Variants in CEPT1 observed in about 807,000 individuals in gnomAD.
CEPT1 encodes the protein choline/ethanolaminephosphotransferase 1.
In CEPT1, 7 loss-of-function variants were observed where a neutral mutation model predicts 42.6. The observed-to-expected ratio is 0.16, with a 90% CI of 0.09 to 0.31. The LOEUF (loss-of-function observed/expected upper bound fraction) is 0.31, where lower values mean the gene tolerates loss of function less well. Ranked by LOEUF, CEPT1 falls within the 10% of genes least tolerant of loss-of-function variation. CEPT1 has a pLI of 1.00. For synonymous variants in CEPT1, 171 were observed against 171.9 expected, an observed-to-expected ratio of 0.99 and a Z score of 0.04; for missense variants, 306 against 502.1, an observed-to-expected ratio of 0.61 and a Z score of 3.73.
intron 4 of CEPT1, among the ~76,000 whole-genome samples, chr1:111,171,946 A>G (rs1300233688): frequency 6.6e-6 from 1 of 152,210 alleles, no homozygotes; most frequent in Non-Finnish European, 1.5e-5. Flanking sequence ...CATGTTGGTC[A>G]GGCTGGTCTC....
intron 3 of CEPT1, 186 bp from the exon 4 acceptor site, chr1:111,160,969 A>AAG: frequency 8.1e-6 from 5 of 615,672 alleles, no homozygotes; most frequent in South Asian, 6.4e-5. Context: ...AAAAAAAAAA[A>AAG]AGAGAGATTG....
intron 5 of CEPT1, chr1:111,179,080 T>C (rs1292086375): frequency 1.3e-5 from 2 of 152,210 alleles, no homozygotes; most frequent in African/African-American, 4.8e-5. Context: ...GTACAAAGCC[T>C]GTAAGGACAT....
chr1:111,146,558 A>G (rs1654979136), intron 1 of CEPT1, among the ~76,000 whole-genome samples: 1 of 151,880 alleles, frequency 6.6e-6, no homozygotes, highest in Admixed American at 6.6e-5. Context: ...TCATATTTTC[A>G]TTTTTACCAT....
In CEPT1 at chr1:111,183,515, TC is replaced by T. The variant is rs1177680096; in HGVS notation, c.1061del (p.Pro354ArgfsTer31). ...MHLHDTAFIG[P>X]ALLFLDQYFN... ...ATTTGCATGACACAGCATTCATAGG[TC>T]CGGCACTTTTGTTTCTGGACCAGTA... On this transcript the variant is annotated frameshift_variant, in exon 8 of 9. Transcript: ENST00000357172. LOFTEE classifies it high-confidence loss of function. 6.2e-7 allele frequency: 1 copy of T among 1,613,698 alleles called. No homozygotes were observed.
Position 111,182,254 on chromosome 1 carries a change from C to G in CEPT1, c.782C>G (p.Ser261Cys). Residue 261 changes from serine to cysteine, a missense_variant, in exon 6 of 9, where the codon TCC (serine) becomes TGC (cysteine). Ser to Cys is a moderately radical substitution (Grantham distance 112). This residue lies in a region of CEPT1 where 253 missense variants were observed against 447.3 expected (regional missense o/e 0.57). Coordinates refer to ENST00000357172, the MANE Select transcript of CEPT1 (RefSeq NM_006090.5). ...ALCTVAGTIF[S>C]CTNYFRVIFT... ...TGTACTGTAGCAGGGACCATATTTT[C>G]CTGTACAAATTACTTCCGTGTAATC... 6.2e-7 allele frequency: 1 copy of G among 1,613,062 alleles called. No homozygotes were observed. The highest frequency in any genetic ancestry group is 8.5e-7 in the Non-Finnish European group (1 of 1,179,374).
chr1:111,168,341 A>G (rs1656239502), intron 4 of CEPT1, among the ~76,000 whole-genome samples: 1 of 152,192 alleles, frequency 6.6e-6, no homozygotes, highest in African/African-American at 2.4e-5. Flanking sequence ...TGTTCAAATG[A>G]AAACCTGACA....
At chr1:111,180,639 C>A (rs1656924468) in intron 5 of CEPT1, 1 of 152,166 alleles carries the variant, frequency 6.6e-6, no homozygotes, top group African/African-American at 2.4e-5. Context: ...TAAACTTGAA[C>A]ATTTGATTTC....
intron 2 of CEPT1, among the ~76,000 whole-genome samples, chr1:111,155,513 A>G (rs771993689): frequency 6.6e-6 from 1 of 151,734 alleles, no homozygotes; most frequent in East Asian, 1.9e-4. Context: ...ATGTATATAT[A>G]CATATATATG....
chr1:111,165,320 T>C (rs1351089450), intron 4 of CEPT1, among the ~76,000 whole-genome samples: 1 of 151,864 alleles, frequency 6.6e-6, no homozygotes, highest in Non-Finnish European at 1.5e-5. Context: ...AGTGCTGGGA[T>C]TACAGGCGTG....
chr1:111,179,089 A>T (rs1278159910), intron 5 of CEPT1: 3 of 152,182 alleles, frequency 2.0e-5, no homozygotes, highest in Non-Finnish European at 4.4e-5. Context: ...CTGTAAGGAC[A>T]TTTTATCATG....
intron 1 of CEPT1, among the ~76,000 whole-genome samples, chr1:111,145,262 C>T (rs1027464087): frequency 1.3e-5 from 2 of 152,154 alleles, no homozygotes; most frequent in African/African-American, 2.4e-5. Flanking sequence ...GTGATCCGCC[C>T]GCCTCAGCCT....
At chr1:111,147,155 A>G (rs887787848) in intron 1 of CEPT1, among the ~76,000 whole-genome samples, 1 of 152,236 alleles carries the variant, frequency 6.6e-6, no homozygotes, top group South Asian at 2.1e-4. Context: ...GTTAGTATAT[A>G]AAATGTGCTT....
intron 3 of CEPT1, 188 bp downstream of exon 3, chr1:111,159,715 T>C: frequency 2.2e-6 from 1 of 445,104 alleles, no homozygotes; most frequent in Non-Finnish European, 3.8e-6. Flanking sequence ...TAGAAATTAC[T>C]TTCTGCTTGT....
At chr1:111,169,206 A>G (rs1028339713) in intron 4 of CEPT1, among the ~76,000 whole-genome samples, 1 of 152,206 alleles carries the variant, frequency 6.6e-6, no homozygotes, top group Non-Finnish European at 1.5e-5. Context: ...CGACTGTACT[A>G]AGAAGTGTAT....
intron 4 of CEPT1, chr1:111,167,934 C>G: frequency 2.3e-6 from 1 of 439,078 alleles, no homozygotes; most frequent in Non-Finnish European, 3.0e-6. Context: ...ATTTTGTCAC[C>G]CAGGCAGGAA....
At chr1:111,153,097 C>G (rs1321528183) in intron 2 of CEPT1, among the ~76,000 whole-genome samples, 1 of 152,132 alleles carries the variant, frequency 6.6e-6, no homozygotes, top group Non-Finnish European at 1.5e-5. Flanking sequence ...AACTTTGCTT[C>G]TGTTAAACAA....
chr1:111,174,952 T>G lies in CEPT1; in HGVS notation c.703T>G (p.Trp235Gly). 1 of 1,601,568 alleles carries G rather than the reference T, an allele frequency of 6.2e-7. No homozygotes were observed. Among genetic ancestry groups the G allele is most frequent in the Non-Finnish European group, 8.6e-7 (1 of 1,168,758 alleles). The part of the protein sequence containing the change: ...LLAVIGGPPF[W>G]QSMIPVLNIQ... ...GGCAGTGATTGGAGGACCACCTTTT[T>G]GGCAATCTATGGTAACTTTGTTCAC... Residue 235 changes from tryptophan (W) to glycine (G), a missense_variant, in exon 5 of 9, where the codon TGG (tryptophan) becomes GGG (glycine). Transcript: ENST00000357172.
intron 2 of CEPT1, among the ~76,000 whole-genome samples, chr1:111,157,040 C>T (rs1000825995): frequency 1.3e-5 from 2 of 152,102 alleles, no homozygotes; most frequent in Admixed American, 6.5e-5. Flanking sequence ...CAGGGTCTTA[C>T]GGCAACTGGG....
chr1:111,144,498 A>G (rs1451593297), intron 1 of CEPT1, among the ~76,000 whole-genome samples: 1 of 152,210 alleles, frequency 6.6e-6, no homozygotes, highest in African/African-American at 2.4e-5. Flanking sequence ...GTCAAAATGT[A>G]GATGTTTATA....
Sources: allele counts gnomAD v4.1 joint callset (sites outside exome capture counted in the v4.1 genomes callset), GRCh38; gene constraint gnomAD v4.1.1; regional missense constraint gnomAD v4.1.1; transcripts MANE v1.5; gene names NCBI Gene and HGNC (gene_info 2026-07-23, HGNC 2026-07-21).